FANCL: variants seen among roughly 807,000 people sequenced by gnomAD.
FANCL encodes the protein FA complementation group L.
A neutral mutation model predicts 59.4 loss-of-function variants in FANCL; 69 were observed. The observed-to-expected ratio is 1.16, with a 90% CI of 0.96 to 1.42. FANCL has a LOEUF of 1.42. Among genes scored for constraint, FANCL ranks in the 40% most tolerant of loss-of-function variants. The pLI, the probability that FANCL is intolerant of heterozygous loss-of-function variation, is 0.00. For synonymous variants in FANCL, 180 were observed against 147.1 expected, an observed-to-expected ratio of 1.22 and a Z score of -1.62; for missense variants, 519 against 447.2, an observed-to-expected ratio of 1.16 and a Z score of -1.45.
chr2:58,166,404 TAAAAC>T (rs1685957533), intron 7 of FANCL, among the ~76,000 whole-genome samples: 1 of 152,216 alleles, frequency 6.6e-6, no homozygotes, highest in African/African-American at 2.4e-5. Context: ...TTTAAAGAAT[TAAAAC>T]AGAAGGTACA....
chr2:58,198,487 G>A, intron 7 of FANCL, 107 bp downstream of exon 7: 1 of 855,878 alleles, frequency 1.2e-6, no homozygotes. Flanking sequence ...CATGGATTTT[G>A]GTATTTACAG....
At chr2:58,195,836 A>T (rs754317980) in intron 7 of FANCL, among the ~76,000 whole-genome samples, 6 of 152,136 alleles carry the variant, frequency 3.9e-5, no homozygotes, top group Non-Finnish European at 7.4e-5. Context: ...ACAACAATCT[A>T]GGGAAGGCAA....
intron 8 of FANCL, 66 bp downstream of exon 8, chr2:58,165,658 T>G: frequency 6.3e-7 from 1 of 1,584,956 alleles, no homozygotes; most frequent in Admixed American, 1.7e-5. Flanking sequence ...CTGTCATTGT[T>G]AGATTTATTT....
rs966330052 is a variant in FANCL, at chr2:58,226,820, C to A, written c.217-36G>T. The A allele has an allele frequency of 5.8e-6, 9 of 1,555,326 alleles. No homozygotes were observed. The African/African-American group carries it at 1.1e-4, about 19-fold the overall frequency. ...ATATTTCCAATTAATTTCATTTGCA[C>A]AATAAATATTCTATCCACTAAAACT... On this transcript the variant is annotated intron_variant, in intron 3 of 13. Transcript: ENST00000233741.
chr2:58,179,373 G>A (rs574076259), intron 7 of FANCL, among the ~76,000 whole-genome samples: 111 of 152,244 alleles, frequency 7.3e-4, no homozygotes, highest in Middle Eastern at 6.8e-3. Context: ...CATGGTACTG[G>A]TACCAAAACA....
chr2:58,233,970 CA>C (rs1693800247), intron 1 of FANCL, among the ~76,000 whole-genome samples: 1 of 152,030 alleles, frequency 6.6e-6, no homozygotes, highest in Non-Finnish European at 1.5e-5. Flanking sequence ...AACTCCTTCC[CA>C]CCCAGCACTC....
At chr2:58,218,494 G>A (rs555762586) in intron 5 of FANCL, among the ~76,000 whole-genome samples, 17 of 151,954 alleles carry the variant, frequency 1.1e-4, no homozygotes, top group South Asian at 8.3e-4. Flanking sequence ...TAAAATGAAC[G>A]TAGGATGAAA....
chr2:58,212,293 C>T (rs1294573596), intron 5 of FANCL, among the ~76,000 whole-genome samples: 1 of 152,176 alleles, frequency 6.6e-6, no homozygotes, highest in Non-Finnish European at 1.5e-5. Flanking sequence ...TCTCCTAAGA[C>T]TTATTCATTA....
At chr2:58,159,978 G>A (rs1684866547) in intron 13 of FANCL, 130 bp downstream of exon 13, 5 of 1,530,054 alleles carry the variant, frequency 3.3e-6, no homozygotes, top group Non-Finnish European at 4.4e-6. Context: ...CAGAGAATTT[G>A]AAAAATAGAA....
intron 4 of FANCL, among the ~76,000 whole-genome samples, chr2:58,224,558 T>C (rs1181186821): frequency 6.6e-6 from 1 of 151,830 alleles, no homozygotes; most frequent in African/African-American, 2.4e-5. Flanking sequence ...AAAAAAGGAC[T>C]CCAGAAAACA....
chr2:58,180,859 C>A (rs560137188), intron 7 of FANCL, among the ~76,000 whole-genome samples: 5 of 151,378 alleles, frequency 3.3e-5, no homozygotes, highest in Non-Finnish European at 5.9e-5. Flanking sequence ...AAAAAGAAAT[C>A]GAAACTTTTC....
intron 4 of FANCL, among the ~76,000 whole-genome samples, chr2:58,222,681 T>G (rs770302859): frequency 6.6e-5 from 10 of 152,020 alleles, no homozygotes; most frequent in Non-Finnish European, 1.5e-4. Flanking sequence ...CTAAAATTTT[T>G]TACAAGACAC....
chr2:58,171,100 T>A (rs2104862738), intron 7 of FANCL, among the ~76,000 whole-genome samples: 1 of 151,686 alleles, frequency 6.6e-6, no homozygotes, highest in South Asian at 2.1e-4. Context: ...ATCACACTTC[T>A]TTTAAAACTG....
In FANCL at chr2:58,216,601, G is replaced by C. The variant is rs888167202; in HGVS notation, c.374+5341C>G. On this transcript the variant is annotated intron_variant, in intron 5 of 13. Transcript: ENST00000233741. ...TTACAGAACATTTCAATTCTGTATT[G>C]AATCAGTTATGAAAATAAAGAAAAG... Among the ~76,000 whole-genome samples the C allele has an allele frequency of 2.6e-5, 4 of 152,166 alleles. No homozygotes were observed. The South Asian group carries it at 8.3e-4, about 32-fold the overall frequency.
In FANCL at chr2:58,176,311, C is replaced by T. The variant is rs1372601768; in HGVS notation, c.541-10437G>A. The stretch of plus-strand genomic sequence containing the variant: ...GTTCATATGGAACCAAAAAAGAGCC[C>T]GCATCGCCAAGTCAATCCTAAGCCA... On this transcript the variant is annotated intron_variant, in intron 7 of 13. Coordinates refer to ENST00000233741, the MANE Select transcript of FANCL (RefSeq NM_018062.4). Among the ~76,000 whole-genome samples the T allele has an allele frequency of 7.9e-5, 12 of 152,066 alleles. No individual in the cohort carries two copies. In the East Asian group the frequency reaches 1.7e-3, roughly 22 times the overall value.
intron 1 of FANCL, among the ~76,000 whole-genome samples, chr2:58,235,542 C>T (rs1456353858): frequency 6.6e-6 from 1 of 152,000 alleles, no homozygotes; most frequent in Non-Finnish European, 1.5e-5. Flanking sequence ...CTGTAGCTCA[C>T]AACAAATCTC....
chr2:58,166,776 C>G (rs848287), intron 7 of FANCL, among the ~76,000 whole-genome samples: 1 of 152,080 alleles, frequency 6.6e-6, no homozygotes, highest in Non-Finnish European at 1.5e-5. Context: ...AGAAACTAGC[C>G]ACTTCCTTAA....
intron 11 of FANCL, among the ~76,000 whole-genome samples, chr2:58,162,021 AAG>A (rs1685260703): frequency 1.3e-5 from 2 of 151,990 alleles, no homozygotes; most frequent in African/African-American, 2.4e-5. Context: ...AGGCTAAAAA[AAG>A]AGATTCCATT....
In FANCL at chr2:58,227,161, A is replaced by T. The variant is rs541103458; in HGVS notation, c.217-377T>A. ...CATAAACCTCTAGGGGAGCATACAG[A>T]CGGGCAGGCTGTGGAGCTCCAACCC... On this transcript the variant is annotated intron_variant, in intron 3 of 13. Transcript: ENST00000233741. 4.6e-5 allele frequency among the ~76,000 whole-genome samples: 7 copies of T among 152,274 alleles called. No homozygotes were observed. In the East Asian group the frequency reaches 1.4e-3, roughly 29 times the overall value.
Sources: allele counts gnomAD v4.1 joint callset (sites outside exome capture counted in the v4.1 genomes callset), GRCh38; gene constraint gnomAD v4.1.1; transcripts MANE v1.5; gene names NCBI Gene and HGNC (gene_info 2026-07-23, HGNC 2026-07-21).